RAD51B: variants seen among roughly 807,000 people sequenced by gnomAD.
RAD51B encodes DNA repair protein RAD51 homolog 2.
A neutral mutation model predicts 42.2 loss-of-function variants in RAD51B; 38 were observed. The observed-to-expected ratio is 0.90, with a 90% confidence interval of 0.70 to 1.18. The LOEUF is 1.18. Among genes scored for constraint, RAD51B ranks in the 50% most tolerant of loss-of-function variants. RAD51B has a pLI of 0.00. For missense variants in RAD51B, 373 were observed against 400.7 expected (o/e 0.93, Z 0.59); for synonymous variants, 154 against 145.2 (o/e 1.06, Z -0.43).
chr14:68,625,773 A>T (rs543645795), intron 10 of RAD51B, among the ~76,000 whole-genome samples: 2 of 152,316 alleles, frequency 1.3e-5, no homozygotes, highest in Admixed American at 1.3e-4. Flanking sequence ...TGCTCCTGGT[A>T]TCTCTATGAA....
chr14:68,175,447 G>A (rs577943532), intron 7 of RAD51B, among the ~76,000 whole-genome samples: 131 of 152,290 alleles, frequency 8.6e-4, no homozygotes, highest in African/African-American at 3.0e-3. Flanking sequence ...TGTTTGGGAT[G>A]TGCTACCTCA....
intron 10 of RAD51B, chr14:68,562,412 C>T: frequency 1.0e-6 from 1 of 983,384 alleles, no homozygotes; most frequent in Non-Finnish European, 1.2e-6. Context: ...ATGCAGAGGC[C>T]CATACAGCCC....
intron 7 of RAD51B, among the ~76,000 whole-genome samples, chr14:68,189,600 C>T (rs2079223220): frequency 6.6e-6 from 1 of 152,024 alleles, no homozygotes; most frequent in Non-Finnish European, 1.5e-5. Context: ...TGGTTAGGAT[C>T]AAACTTCCTT....
chr14:68,530,171 C>T (rs1341813931), intron 10 of RAD51B, among the ~76,000 whole-genome samples: 2 of 152,016 alleles, frequency 1.3e-5, no homozygotes, highest in Non-Finnish European at 2.9e-5. Context: ...TGGCTGGGCA[C>T]AGTGGCTCAC....
chr14:68,362,705 C>T (rs959439284), intron 8 of RAD51B, among the ~76,000 whole-genome samples: 3 of 151,940 alleles, frequency 2.0e-5, no homozygotes, highest in East Asian at 1.9e-4. Flanking sequence ...AAAAATTAGC[C>T]GGGCATGGTG....
chr14:68,440,466 C>T (rs2085257628), intron 9 of RAD51B, among the ~76,000 whole-genome samples: 1 of 152,156 alleles, frequency 6.6e-6, no homozygotes, highest in Non-Finnish European at 1.5e-5. Flanking sequence ...TCATTTCAGC[C>T]AGGCACAGTG....
At chr14:68,181,195 T>A (rs567310902) in intron 7 of RAD51B, among the ~76,000 whole-genome samples, 1 of 152,300 alleles carries the variant, frequency 6.6e-6, no homozygotes, top group South Asian at 2.1e-4. Context: ...GAAGGTGTAT[T>A]TACAAAGATG....
chr14:68,300,846 G>T (rs890731764), intron 8 of RAD51B, among the ~76,000 whole-genome samples: 1 of 152,192 alleles, frequency 6.6e-6, no homozygotes, highest in Non-Finnish European at 1.5e-5. Flanking sequence ...TGTCCCCATG[G>T]TCAGCCATGA....
chr14:68,117,622 T>C (rs894280753), intron 7 of RAD51B, among the ~76,000 whole-genome samples: 1 of 152,192 alleles, frequency 6.6e-6, no homozygotes, highest in Non-Finnish European at 1.5e-5. Context: ...TAAAAGAGAT[T>C]AAAAATAACC....
chr14:68,191,844 G>T (rs1438178674), intron 7 of RAD51B, among the ~76,000 whole-genome samples: 2 of 152,142 alleles, frequency 1.3e-5, no homozygotes, highest in African/African-American at 2.4e-5. Flanking sequence ...CCCATGGCAG[G>T]CAGTAAAGTT....
intron 7 of RAD51B, among the ~76,000 whole-genome samples, chr14:68,119,412 C>T (rs1201038428): frequency 6.7e-6 from 1 of 149,430 alleles, no homozygotes; most frequent in Admixed American, 6.7e-5. Flanking sequence ...TGGTGTGCTG[C>T]ACCCATTAAC....
At chr14:68,556,323 C>A (rs1474987093) in intron 10 of RAD51B, among the ~76,000 whole-genome samples, 1 of 152,178 alleles carries the variant, frequency 6.6e-6, no homozygotes, top group Non-Finnish European at 1.5e-5. Flanking sequence ...GGGACTCTTC[C>A]TTCCCAGGGC....
In RAD51B at chr14:68,335,122, C is replaced by T. The variant is rs564934931; in HGVS notation, c.853+43142C>T. Among the ~76,000 whole-genome samples, 6 of 150,388 alleles carry T rather than the reference C, an allele frequency of 4.0e-5. No individual in the cohort carries two copies. The South Asian group carries it at 1.3e-3, about 32-fold the overall frequency. On this transcript the variant is annotated intron_variant, in intron 8 of 10. Transcript: ENST00000471583. ...GACCAGCCTGGCCAACATAGTCAAA[C>T]CACATCTCTACTAAAAATACAAAAA...
chr14:68,477,698 G>T lies in RAD51B; in HGVS notation c.*34G>T, dbSNP rs775121429. 1.9e-6 allele frequency: 3 copies of T among 1,610,266 alleles called. No homozygotes were observed. The highest frequency in any genetic ancestry group is 1.1e-5 in the South Asian group (1 of 90,334). On this transcript the variant is annotated 3_prime_UTR_variant, in exon 11 of 11. Coordinates refer to ENST00000471583, the MANE Select transcript of RAD51B (RefSeq NM_133510.4). ...TGACCTTTGTCTAGAGTTGATGGGG[G>T]TGTGATTTGTGAAATAAAACAGGAC...
At chr14:68,242,783 G>T (rs893664018) in intron 7 of RAD51B, among the ~76,000 whole-genome samples, 2 of 152,134 alleles carry the variant, frequency 1.3e-5, no homozygotes, top group African/African-American at 4.8e-5. Flanking sequence ...ATTATTATCA[G>T]TATATTATTA....
At position 67,885,899 on chromosome 14, in the gene RAD51B, C is replaced by G; in HGVS notation, c.483C>G (p.Pro161=). 6.2e-7 allele frequency: 1 copy of G among 1,608,726 alleles called. No homozygotes were observed. Among genetic ancestry groups the G allele is most frequent in the Non-Finnish European group, 8.5e-7 (1 of 1,176,280 alleles). The change falls in exon 6 of 11, where the codon CCC becomes CCG. Residue 161 remains proline (P), a synonymous_variant. Transcript: ENST00000471583. ...TTGAAATAGCAGAATCCCGTTTTCC[C>G]AGATATTTTAACACTGAAGAAAAGT... is the stretch of plus-strand genomic sequence containing the variant. The part of the protein sequence containing the change: ...RLVEIAESRF[P]RYFNTEEKLL...
intron 10 of RAD51B, chr14:68,497,422 G>A: frequency 9.1e-7 from 1 of 1,102,544 alleles, no homozygotes; most frequent in South Asian, 3.6e-5. Flanking sequence ...CTGACAATGG[G>A]CACACAGGGA....
At chr14:68,581,795 A>G (rs1039568916) in intron 10 of RAD51B, among the ~76,000 whole-genome samples, 4 of 152,212 alleles carry the variant, frequency 2.6e-5, no homozygotes, top group Middle Eastern at 3.2e-3. Flanking sequence ...GCATGGTACT[A>G]GTACCAAAAC....
rs186149378 is a variant in RAD51B, at chr14:68,555,385, C to T, written c.1037-39100C>T. Among the ~76,000 whole-genome samples, 263 of 152,288 alleles carry T rather than the reference C, an allele frequency of 1.7e-3. 1 individual carries two copies. The highest frequency in any genetic ancestry group is 5.6e-3 in the East Asian group (29 of 5,184). ...CTGGCTCTTAAGGAAGTGGGTGAGT[C>T]GTACATGAAACGCGCCAGAGTGTCC... On this transcript the variant is annotated intron_variant, in intron 10 of 10. Coordinates refer to the RAD51B transcript ENST00000487270.
Sources: gnomAD v4.1 joint callset for allele counts (sites outside exome capture counted in the v4.1 genomes callset) on GRCh38, gnomAD v4.1.1 for gene constraint, MANE v1.5 for transcripts, NCBI Gene and HGNC (gene_info 2026-07-23, HGNC 2026-07-21) for gene names.